COL12A1: variants seen among roughly 807,000 people sequenced by gnomAD.
The protein encoded by COL12A1 is collagen type XII alpha 1 chain.
A neutral mutation model predicts 349.7 loss-of-function variants in COL12A1; 114 were observed. The ratio of observed to expected loss-of-function variants is 0.33; its 90% CI spans 0.28 to 0.38. The LOEUF (loss-of-function observed/expected upper bound fraction) is 0.38, where lower values mean the gene tolerates loss of function less well. COL12A1 is among the 10% of genes least tolerant of loss of function. The pLI, the probability that COL12A1 is intolerant of heterozygous loss-of-function variation, is 1.00. For missense variants in COL12A1, 3,284 were observed against 3,756.9 expected (o/e 0.87, Z 3.29); for synonymous variants, 1,369 against 1,329.0 (o/e 1.03, Z -0.66).
chr6:75,102,504 G>T, intron 56 of COL12A1, 93 bp downstream of exon 56: 1 of 992,120 alleles, frequency 1.0e-6, no homozygotes. Flanking sequence ...AATTATCTGA[G>T]AAAACATTTG....
chr6:75,123,989 G>A lies in COL12A1; in HGVS notation c.6830C>T (p.Pro2277Leu), dbSNP rs1765880582. 2 of 1,613,414 alleles carry A rather than the reference G, an allele frequency of 1.2e-6. No individual in the cohort carries two copies. The highest frequency in any genetic ancestry group is 1.3e-5 in the African/African-American group (1 of 74,870). Reference protein sequence around the residue: ...DYGVTVFVQTPNLEGPGVSVK... With the variant: ...DYGVTVFVQTLNLEGPGVSVK... ...AGAGACTCCTGGTCCCTCGAGATTT[G>A]GTGTCTGCACAAAAACAGTGACACC... Residue 2277 changes from proline (P) to leucine (L), a missense_variant, in exon 42 of 66, where the codon CCA (proline) becomes CTA (leucine). Physicochemically the swap from Pro to Leu is moderately conservative, Grantham distance 98. Around this residue, in one of 2 missense-constraint regions of COL12A1, gnomAD observed 2,601 missense variants for 2,824.8 expected, o/e 0.92. Coordinates refer to ENST00000322507, the MANE Select transcript of COL12A1 (RefSeq NM_004370.6).
At chr6:75,089,892 T>C (rs777107844) in intron 63 of COL12A1, among the ~76,000 whole-genome samples, 6 of 152,184 alleles carry the variant, frequency 3.9e-5, no homozygotes, top group Admixed American at 1.3e-4. Flanking sequence ...AGTCAGAAAA[T>C]AGCATTATCT....
chr6:75,116,121 G>T, intron 47 of COL12A1, 64 bp from the exon 48 acceptor site: 1 of 1,462,242 alleles, frequency 6.8e-7, no homozygotes, highest in Non-Finnish European at 9.5e-7. Context: ...TATATGCACA[G>T]AAAGTAGCAA....
At chr6:75,172,171 A>T (rs1032852404) in intron 13 of COL12A1, among the ~76,000 whole-genome samples, 3 of 152,234 alleles carry the variant, frequency 2.0e-5, no homozygotes, top group Non-Finnish European at 4.4e-5. Flanking sequence ...ACAAGTTGAT[A>T]GGTTTTTGAT....
chr6:75,169,594 T>C (rs1196632383), intron 13 of COL12A1, among the ~76,000 whole-genome samples: 1 of 152,070 alleles, frequency 6.6e-6, no homozygotes, highest in Non-Finnish European at 1.5e-5. Flanking sequence ...GGTGCTGGGG[T>C]TTGTTTAGGG....
At chr6:75,164,297 A>C (rs1047620763) in intron 14 of COL12A1, among the ~76,000 whole-genome samples, 2 of 152,184 alleles carry the variant, frequency 1.3e-5, no homozygotes, top group Non-Finnish European at 1.5e-5. Context: ...CTTAGACACA[A>C]AGATTTTAGT....
At chr6:75,186,186 C>G (rs1470415536) in intron 8 of COL12A1, among the ~76,000 whole-genome samples, 1 of 152,128 alleles carries the variant, frequency 6.6e-6, no homozygotes, top group African/African-American at 2.4e-5. Context: ...AGACAACATA[C>G]AAAATGGGAG....
intron 44 of COL12A1, 24 bp from the exon 45 acceptor site, chr6:75,119,497 G>A: frequency 6.3e-7 from 1 of 1,588,314 alleles, no homozygotes; most frequent in South Asian, 1.1e-5. Context: ...TGATTTGGCA[G>A]TGAGCATAAG....
chr6:75,170,960 C>G (rs186102927), intron 13 of COL12A1, among the ~76,000 whole-genome samples: 94 of 152,294 alleles, frequency 6.2e-4, no homozygotes, highest in African/African-American at 2.2e-3. Context: ...TCTAAAAAGT[C>G]ATATTTTCCA....
At chr6:75,096,363 T>A (rs562309071) in intron 59 of COL12A1, among the ~76,000 whole-genome samples, 3 of 152,326 alleles carry the variant, frequency 2.0e-5, no homozygotes, top group Non-Finnish European at 2.9e-5. Context: ...ACATATGCTC[T>A]TGAGTATCCT....
At chr6:75,187,443 G>A (rs911521749) in intron 8 of COL12A1, among the ~76,000 whole-genome samples, 1 of 152,050 alleles carries the variant, frequency 6.6e-6, no homozygotes, top group African/African-American at 2.4e-5. Flanking sequence ...TGCACCCCAG[G>A]AAGAATTAAA....
intron 58 of COL12A1, among the ~76,000 whole-genome samples, chr6:75,097,901 A>G (rs1195752598): frequency 1.3e-5 from 2 of 152,168 alleles, no homozygotes; most frequent in African/African-American, 4.8e-5. Context: ...TTTAGCCCCA[A>G]AAAAACAATA....
chr6:75,095,623 C>A (rs1767977994), intron 59 of COL12A1, among the ~76,000 whole-genome samples: 2 of 102,054 alleles, frequency 2.0e-5, no homozygotes, highest in African/African-American at 4.0e-5. Context: ...GACTCCGTCT[C>A]AAAAAAAAAA....
chr6:75,202,861 G>A (rs1770602849), intron 1 of COL12A1, 34 bp from the exon 2 acceptor site: 1 of 1,421,940 alleles, frequency 7.0e-7, no homozygotes, highest in Non-Finnish European at 9.7e-7. Context: ...ATCAGAACTG[G>A]GTCTGGGCAG....
rs1281725784 is a variant in COL12A1 at position 75,089,113 on chromosome 6, G to T, written c.9003C>A (p.Gly3001=). The T allele has an allele frequency of 6.2e-7, 1 of 1,610,732 alleles. No individual in the cohort carries two copies. The highest frequency in any genetic ancestry group is 8.5e-7 in the Non-Finnish European group (1 of 1,178,626). ...AAATACTAGCAAACCTACCTGGGGG[G>T]CCAGGCAGCCCCCGAGGTCCTGAAG... is the stretch of plus-strand genomic sequence containing the variant. ...TGSSGPRGLP[G]PPGPQGESRT... Residue 3001 remains glycine (G), a synonymous_variant, in exon 64 of 66, where the codon GGC becomes GGA. Coordinates refer to ENST00000322507, the MANE Select transcript of COL12A1 (RefSeq NM_004370.6).
At chr6:75,131,114 A>G (rs966451896) in intron 35 of COL12A1, 133 bp from the exon 36 acceptor site, 16 of 1,191,774 alleles carry the variant, frequency 1.3e-5, no homozygotes, top group Middle Eastern at 2.0e-4. Context: ...GTGCTTCTCC[A>G]TAAGATCCAC....
chr6:75,117,674 T>C, intron 46 of COL12A1, 128 bp from the exon 47 acceptor site: 1 of 887,586 alleles, frequency 1.1e-6, no homozygotes, highest in South Asian at 2.2e-5. Flanking sequence ...GTCCTTTTAC[T>C]TGACGTGAAC....
intron 60 of COL12A1, among the ~76,000 whole-genome samples, chr6:75,091,814 T>C (rs1239622572): frequency 6.6e-6 from 1 of 151,846 alleles, no homozygotes; most frequent in Non-Finnish European, 1.5e-5. Context: ...ATGCACACTT[T>C]TTACAATGCA....
chr6:75,154,151 T>G (rs1343125013), intron 17 of COL12A1, among the ~76,000 whole-genome samples: 1 of 151,662 alleles, frequency 6.6e-6, no homozygotes, highest in Non-Finnish European at 1.5e-5. Context: ...ACATTAATAA[T>G]TATATATTAC....
Sources: gnomAD v4.1 joint callset for allele counts (sites outside exome capture counted in the v4.1 genomes callset) on GRCh38, gnomAD v4.1.1 for gene constraint, gnomAD v4.1.1 regional missense constraint, MANE v1.5 for transcripts, NCBI Gene and HGNC (gene_info 2026-07-23, HGNC 2026-07-21) for gene names.